Variants in ZNRF2 observed in about 807,000 individuals in gnomAD.
The protein encoded by ZNRF2 is E3 ubiquitin-protein ligase ZNRF2.
Under a neutral mutation model 20.4 loss-of-function variants are expected in ZNRF2, and 16 were observed. That is an observed-to-expected ratio of 0.79 (90% CI 0.53 to 1.19). The LOEUF (loss-of-function observed/expected upper bound fraction) is 1.19, where lower values mean the gene tolerates loss of function less well. ZNRF2 is among the 50% of genes most tolerant of loss of function. The pLI is 0.00. For missense variants in ZNRF2, 363 were observed against 332.4 expected (o/e 1.09, Z -0.72); for synonymous variants, 178 against 144.9 (o/e 1.23, Z -1.64).
At chr7:30,296,575 C>A (rs1399077479) in intron 1 of ZNRF2, among the ~76,000 whole-genome samples, 1 of 152,172 alleles carries the variant, frequency 6.6e-6, no homozygotes, top group Non-Finnish European at 1.5e-5. Flanking sequence ...AGTCTGAGAG[C>A]CCTGAAGTCT....
intron 1 of ZNRF2, among the ~76,000 whole-genome samples, chr7:30,303,741 C>T (rs991421438): frequency 1.3e-5 from 2 of 152,190 alleles, no homozygotes; most frequent in African/African-American, 4.8e-5. Context: ...TCAGCATCTC[C>T]TGGGAACTTG....
chr7:30,346,072 C>T (rs955488804), intron 2 of ZNRF2, among the ~76,000 whole-genome samples: 30 of 149,630 alleles, frequency 2.0e-4, no homozygotes, highest in African/African-American at 6.4e-4. Context: ...AGCTATTAGA[C>T]GCCCAAAATA....
intron 1 of ZNRF2, among the ~76,000 whole-genome samples, chr7:30,316,555 A>G (rs1269406453): frequency 6.6e-6 from 1 of 152,174 alleles, no homozygotes; most frequent in Admixed American, 6.5e-5. Flanking sequence ...GTTTCCTGCT[A>G]ACTTGTTTCA....
chr7:30,292,751 A>G (rs1479049227), intron 1 of ZNRF2, among the ~76,000 whole-genome samples: 1 of 152,168 alleles, frequency 6.6e-6, no homozygotes, highest in Admixed American at 6.5e-5. Context: ...GCCCTGAGGC[A>G]TGAGTGTACC....
intron 3 of ZNRF2, 36 bp from the exon 4 acceptor site, chr7:30,362,341 A>G: frequency 6.9e-6 from 10 of 1,443,378 alleles, no homozygotes; most frequent in Non-Finnish European, 9.5e-6. Context: ...TAATTAGTAT[A>G]AGTATCTCAA....
At chr7:30,326,010 A>G (rs1377602222) in intron 2 of ZNRF2, among the ~76,000 whole-genome samples, 3 of 152,166 alleles carry the variant, frequency 2.0e-5, no homozygotes, top group Admixed American at 2.0e-4. Flanking sequence ...TCTGGCTTTC[A>G]ATTTGAAAAT....
intron 1 of ZNRF2, among the ~76,000 whole-genome samples, chr7:30,298,403 G>A (rs1799053194): frequency 1.3e-5 from 2 of 152,134 alleles, no homozygotes; most frequent in South Asian, 4.1e-4. Context: ...AAAGTGGGGG[G>A]CACTAAAAAG....
At chr7:30,298,377 A>G (rs1265939869) in intron 1 of ZNRF2, among the ~76,000 whole-genome samples, 1 of 152,194 alleles carries the variant, frequency 6.6e-6, no homozygotes, top group Non-Finnish European at 1.5e-5. Context: ...ATCTTTGGCT[A>G]ACTCCTGATA....
intron 3 of ZNRF2, among the ~76,000 whole-genome samples, chr7:30,357,626 T>C (rs1800061781): frequency 6.6e-6 from 1 of 151,904 alleles, no homozygotes. Flanking sequence ...AATGACACAC[T>C]AGAGACCCAC....
chr7:30,364,219 A>G (rs762007092), intron 4 of ZNRF2, among the ~76,000 whole-genome samples: 2 of 152,244 alleles, frequency 1.3e-5, no homozygotes, highest in East Asian at 3.8e-4. Flanking sequence ...AATAGCAGCA[A>G]TAGCACCTGA....
intron 1 of ZNRF2, chr7:30,288,793 A>G (rs1030118398): frequency 1.3e-5 from 2 of 152,168 alleles, no homozygotes; most frequent in Admixed American, 6.5e-5. Context: ...CGCTTTCTTG[A>G]CTACTGCTAG....
At chr7:30,330,720 T>G (rs142090135) in intron 2 of ZNRF2, among the ~76,000 whole-genome samples, 133 of 152,238 alleles carry the variant, frequency 8.7e-4, no homozygotes, top group African/African-American at 3.1e-3. Flanking sequence ...TTTTAATCTT[T>G]CTGAATTCAG....
rs993593329 is a variant in ZNRF2 at position 30,285,344 on chromosome 7, G to A, written c.-14G>A. The stretch of plus-strand genomic sequence containing the variant: ...GGGGCGCAGCGCGCGGGCCCGGCCC[G>A]GGGCAGGGCGGACATGGGCGCCAAA... On this transcript the variant is annotated 5_prime_UTR_variant, in exon 1 of 5. Coordinates refer to ENST00000323037, the MANE Select transcript of ZNRF2 (RefSeq NM_147128.4). The A allele has an allele frequency of 2.5e-5, 28 of 1,125,782 alleles. No individual in the cohort carries two copies. The highest frequency in any genetic ancestry group is 2.8e-5 in the Non-Finnish European group (26 of 921,210). 69.7% of individuals were successfully genotyped at this position (1,125,782 alleles called of 1,614,324 possible). A position where few individuals can be genotyped will look rare whatever the true frequency, so the allele number is the denominator to read the frequency against.
chr7:30,329,052 A>G (rs1040946621), intron 2 of ZNRF2, among the ~76,000 whole-genome samples: 2 of 152,174 alleles, frequency 1.3e-5, no homozygotes, highest in African/African-American at 2.4e-5. Flanking sequence ...TACAAATTTT[A>G]TGAGTATAGA....
intron 1 of ZNRF2, among the ~76,000 whole-genome samples, chr7:30,292,114 T>G (rs1232732385): frequency 6.6e-6 from 1 of 152,220 alleles, no homozygotes; most frequent in Non-Finnish European, 1.5e-5. Flanking sequence ...ATTTTTATAT[T>G]GTTTTGATTT....
intron 2 of ZNRF2, among the ~76,000 whole-genome samples, chr7:30,338,369 C>T (rs1281703251): frequency 2.6e-5 from 4 of 151,618 alleles, no homozygotes; most frequent in Non-Finnish European, 4.4e-5. Flanking sequence ...GTTTGCTGCA[C>T]CCATCAACCC....
At chr7:30,335,799 C>T (rs948805971) in intron 2 of ZNRF2, among the ~76,000 whole-genome samples, 5 of 152,012 alleles carry the variant, frequency 3.3e-5, no homozygotes, top group South Asian at 2.1e-4. Context: ...TATTAGTATG[C>T]AAAAGTATTT....
chr7:30,304,642 T>C (rs541787796), intron 1 of ZNRF2, among the ~76,000 whole-genome samples: 3 of 152,326 alleles, frequency 2.0e-5, no homozygotes, highest in African/African-American at 7.2e-5. Flanking sequence ...TGAATGGGTG[T>C]TACCAGTCTA....
chr7:30,305,793 G>T (rs1291649413), intron 1 of ZNRF2, among the ~76,000 whole-genome samples: 1 of 152,022 alleles, frequency 6.6e-6, no homozygotes, highest in Non-Finnish European at 1.5e-5. Context: ...TGTTTGTTTA[G>T]TTTATCCTCT....
Sources: gnomAD v4.1 joint callset for allele counts (sites outside exome capture counted in the v4.1 genomes callset) on GRCh38, gnomAD v4.1.1 for gene constraint, MANE v1.5 for transcripts, NCBI Gene and HGNC (gene_info 2026-07-23, HGNC 2026-07-21) for gene names.